CNTN1: variants seen among roughly 807,000 people sequenced by gnomAD.
CNTN1 encodes contactin 1.
CNTN1 carries 38 observed loss-of-function variants against 126.4 expected under a neutral mutation model. The observed-to-expected ratio is 0.30, with a 90% CI of 0.23 to 0.39. CNTN1 has a LOEUF of 0.39. CNTN1 is among the 10% of genes least tolerant of loss of function. CNTN1 has a pLI of 1.00. For missense variants in CNTN1, 1,009 were observed against 1,248.4 expected, an observed-to-expected ratio of 0.81 and a Z score of 2.89; for synonymous variants, 413 against 422.6, an observed-to-expected ratio of 0.98 and a Z score of 0.28.
rs151330920 is a variant in CNTN1, at chr12:40,745,483, G to A, written c.-77+52891G>A. Among the ~76,000 whole-genome samples the A allele has an allele frequency of 2.0e-5, 3 of 152,238 alleles. No individual in the cohort carries two copies. The East Asian group carries it at 5.8e-4, about 29-fold the overall frequency. On this transcript the variant is annotated intron_variant, in intron 1 of 23. Transcript: ENST00000551295. ...TTAAAGATGTCCTGATTGGCAGTTG[G>A]TTGAAAGAGTTTATCTAAAGATCTG...
At chr12:40,896,823 G>T (rs1391884368) in intron 1 of CNTN1, among the ~76,000 whole-genome samples, 1 of 152,122 alleles carries the variant, frequency 6.6e-6, no homozygotes, top group Non-Finnish European at 1.5e-5. Context: ...TTTTGACAAG[G>T]GAGAAGACCT....
chr12:40,982,499 T>A (rs1947845680), intron 16 of CNTN1, among the ~76,000 whole-genome samples: 1 of 152,188 alleles, frequency 6.6e-6, no homozygotes, highest in Admixed American at 6.5e-5. Flanking sequence ...GTAGCTCAAT[T>A]TAAATATGCT....
intron 1 of CNTN1, among the ~76,000 whole-genome samples, chr12:40,752,331 C>T (rs1351768024): frequency 6.6e-6 from 1 of 152,044 alleles, no homozygotes; most frequent in African/African-American, 2.4e-5. Context: ...TTGAATAATA[C>T]TCTGTTGCTT....
chr12:40,926,494 C>G (rs992780013), intron 6 of CNTN1, among the ~76,000 whole-genome samples: 17 of 151,956 alleles, frequency 1.1e-4, no homozygotes, highest in African/African-American at 3.9e-4. Flanking sequence ...ACCTTATGAT[C>G]CATAACAATT....
chr12:40,809,846 ACAC>A (rs1388242190), intron 1 of CNTN1, among the ~76,000 whole-genome samples: 1 of 150,410 alleles, frequency 6.6e-6, no homozygotes, highest in East Asian at 2.0e-4. Flanking sequence ...ACACACACAC[ACAC>A]AAAAGTCAAA....
chr12:41,034,628 C>T (rs1949216463), intron 23 of CNTN1, among the ~76,000 whole-genome samples: 1 of 152,150 alleles, frequency 6.6e-6, no homozygotes, highest in African/African-American at 2.4e-5. Context: ...TTCCTTTACC[C>T]CATTTTTCAT....
chr12:40,903,682 G>A (rs147079341), intron 1 of CNTN1, among the ~76,000 whole-genome samples: 6 of 152,174 alleles, frequency 3.9e-5, no homozygotes, highest in Admixed American at 3.9e-4. Context: ...ATACCCGAAT[G>A]GCAAGAAATC....
At chr12:40,917,208 A>C (rs1319717563) in intron 3 of CNTN1, among the ~76,000 whole-genome samples, 1 of 152,066 alleles carries the variant, frequency 6.6e-6, no homozygotes, top group East Asian at 1.9e-4. Context: ...AAGCTTCATG[A>C]TTAGTTGAAT....
chr12:41,037,928 T>C (rs560766154), intron 23 of CNTN1, among the ~76,000 whole-genome samples: 1 of 152,152 alleles, frequency 6.6e-6, no homozygotes, highest in South Asian at 2.1e-4. Context: ...GAGGCCAAGG[T>C]GGGTGGATAA....
intron 23 of CNTN1, among the ~76,000 whole-genome samples, chr12:41,029,710 C>T (rs966035083): frequency 2.0e-5 from 3 of 152,048 alleles, no homozygotes; most frequent in Admixed American, 1.3e-4. Flanking sequence ...AAAGGAAATA[C>T]ACTAGGCTAT....
At chr12:41,032,534 C>G (rs1949170147) in intron 23 of CNTN1, among the ~76,000 whole-genome samples, 1 of 152,124 alleles carries the variant, frequency 6.6e-6, no homozygotes, top group African/African-American at 2.4e-5. Flanking sequence ...TTGAACACAC[C>G]AGTGTTATCC....
intron 6 of CNTN1, among the ~76,000 whole-genome samples, chr12:40,926,329 C>G (rs769662871): frequency 2.6e-5 from 4 of 151,836 alleles, no homozygotes; most frequent in Non-Finnish European, 5.9e-5. Flanking sequence ...AGTAAAGGAG[C>G]TAACAATATG....
In CNTN1 at chr12:41,025,271, G is replaced by T. The variant is rs2120819880; in HGVS notation, c.2645G>T (p.Gly882Val). Residue 882 changes from glycine (G) to valine (V), a missense_variant, in exon 21 of 24, where the codon GGG becomes GTG. Transcript: ENST00000551295. Reference protein sequence around the residue: ...LPDTQYFIEVGACNSAGCGPP... With the variant: ...LPDTQYFIEVVACNSAGCGPP... ...GACACCCAGTATTTTATAGAAGTCG[G>T]GGCCTGCAATAGTGCAGGGTGTGGA... 1 of 1,613,882 alleles carries T rather than the reference G, an allele frequency of 6.2e-7. No individual in the cohort carries two copies. The highest frequency in any genetic ancestry group is 8.5e-7 in the Non-Finnish European group (1 of 1,179,828).
At chr12:40,992,264 G>A (rs1331517229) in intron 16 of CNTN1, among the ~76,000 whole-genome samples, 1 of 152,128 alleles carries the variant, frequency 6.6e-6, no homozygotes, top group Non-Finnish European at 1.5e-5. Flanking sequence ...GGGGTGCTTA[G>A]CATTTATTGT....
At chr12:40,857,642 C>T (rs1169777172) in intron 1 of CNTN1, among the ~76,000 whole-genome samples, 1 of 152,088 alleles carries the variant, frequency 6.6e-6, no homozygotes, top group Non-Finnish European at 1.5e-5. Context: ...TGATGCCTTC[C>T]AGCAAAATAG....
At chr12:41,004,533 G>A (rs112909347) in intron 17 of CNTN1, among the ~76,000 whole-genome samples, 15,593 of 152,148 alleles carry the variant, frequency 0.1, 906 homozygotes, top group Non-Finnish European at 0.13. Context: ...AATATTGTCA[G>A]TGAGGTGTTA....
intron 14 of CNTN1, among the ~76,000 whole-genome samples, chr12:40,952,473 G>C (rs1462156953): frequency 6.6e-6 from 1 of 152,088 alleles, no homozygotes; most frequent in Non-Finnish European, 1.5e-5. Flanking sequence ...TTCAATAGTA[G>C]TATCAGTAGT....
intron 1 of CNTN1, among the ~76,000 whole-genome samples, chr12:40,890,670 C>T (rs1385741032): frequency 6.6e-6 from 1 of 152,110 alleles, no homozygotes; most frequent in Non-Finnish European, 1.5e-5. Flanking sequence ...AATATATTCT[C>T]CTGGCTTGAC....
chr12:40,773,676 C>CACATATATAT (rs1326393832), intron 1 of CNTN1, among the ~76,000 whole-genome samples: 1 of 11,480 alleles, frequency 8.7e-5, no homozygotes, highest in Admixed American at 1.3e-3. Flanking sequence ...TATATATACA[C>CACATATATAT]ATATATATAT....
Sources: gnomAD v4.1 joint callset for allele counts (sites outside exome capture counted in the v4.1 genomes callset) on GRCh38, gnomAD v4.1.1 for gene constraint, MANE v1.5 for transcripts, NCBI Gene and HGNC (gene_info 2026-07-23, HGNC 2026-07-21) for gene names.